PIK3R6: variants seen among roughly 807,000 people sequenced by gnomAD.
The protein encoded by PIK3R6 is phosphoinositide-3-kinase regulatory subunit 6.
PIK3R6 carries 91 observed loss-of-function variants against 84.9 expected under a neutral mutation model. That is an observed-to-expected ratio of 1.07 (90% CI 0.90 to 1.28). The LOEUF (loss-of-function observed/expected upper bound fraction) is 1.28. PIK3R6 is among the 50% of genes most tolerant of loss of function. The pLI, the probability that PIK3R6 is intolerant of heterozygous loss-of-function variation, is 0.00. For synonymous variants in PIK3R6, 416 were observed against 411.4 expected (o/e 1.01, Z -0.13); for missense variants, 996 against 985.1 (o/e 1.01, Z -0.15).
intron 2 of PIK3R6, among the ~76,000 whole-genome samples, chr17:8,849,201 G>C (rs2088883524): frequency 6.6e-6 from 1 of 152,224 alleles, no homozygotes. Flanking sequence ...AGAAAAATGA[G>C]GATAATCATC....
At position 8,836,553 on chromosome 17, in the gene PIK3R6, T is replaced by A. The variant is rs1402908967; in HGVS notation, c.455A>T (p.Gln152Leu). ...TTTTTCTGGGGCCACTCACCTCTCCTGGTAGGGATACAGCTCATTCGTCAA... is the reference window on the plus strand; with the variant it reads ...TTTTTCTGGGGCCACTCACCTCTCCAGGTAGGGATACAGCTCATTCGTCAA... ...QNLTNELYPYQERVFLFVDPE... is the reference protein window; with the variant it reads ...QNLTNELYPYLERVFLFVDPE... Residue 152 changes from glutamine (Q) to leucine (L), a missense_variant, in exon 7 of 20, where the codon CAG becomes CTG. Coordinates refer to ENST00000619866, the MANE Select transcript of PIK3R6 (RefSeq NM_001010855.4). 6.2e-7 allele frequency: 1 copy of A among 1,613,798 alleles called. No homozygotes were observed. The highest frequency in any genetic ancestry group is 1.3e-5 in the African/African-American group (1 of 74,882).
At chr17:8,805,942 G>A (rs2087193467) in intron 18 of PIK3R6, among the ~76,000 whole-genome samples, 1 of 151,250 alleles carries the variant, frequency 6.6e-6, no homozygotes, top group Non-Finnish European at 1.5e-5. Flanking sequence ...AAAAGAGCCT[G>A]TGGCACCTTT....
intron 8 of PIK3R6, among the ~76,000 whole-genome samples, chr17:8,834,111 C>A (rs1397926440): frequency 6.9e-6 from 1 of 144,700 alleles, no homozygotes; most frequent in African/African-American, 2.6e-5. Context: ...GAGCCGAGAT[C>A]ACGCCACTGC....
chr17:8,843,429 A>G (rs548028879), intron 2 of PIK3R6, among the ~76,000 whole-genome samples: 5 of 152,268 alleles, frequency 3.3e-5, no homozygotes, highest in East Asian at 1.9e-4. Context: ...AGCACAGCCA[A>G]GCCTTTGTCT....
rs1048419870 is a variant in PIK3R6, at chr17:8,823,218, G to A, written c.1627-132C>T. The A allele has an allele frequency of 2.4e-5, 20 of 829,774 alleles. No individual in the cohort carries two copies. In the Middle Eastern group the frequency reaches 1.0e-3, roughly 41 times the overall value. The allele number at this position is 829,774 out of a possible 1,614,324, so 51.4% of individuals were successfully genotyped here. ...ACCTACTTCTTGGATTTGAGGTCTTGAAGTTAATAATGATCTGATTCATTT... is the reference window on the plus strand; with the variant it reads ...ACCTACTTCTTGGATTTGAGGTCTTAAAGTTAATAATGATCTGATTCATTT... On this transcript the variant is annotated intron_variant, in intron 14 of 19. Coordinates refer to ENST00000619866, the MANE Select transcript of PIK3R6 (RefSeq NM_001010855.4).
chr17:8,813,830 A>T (rs919338561), intron 18 of PIK3R6, among the ~76,000 whole-genome samples: 10 of 152,198 alleles, frequency 6.6e-5, no homozygotes, highest in African/African-American at 1.9e-4. Context: ...TGAAAGCATT[A>T]CCTCTAAGAA....
At position 8,803,188 on chromosome 17, in the gene PIK3R6, C is replaced by T. The variant is rs1447879516; in HGVS notation, c.*85G>A. ...CAAGGCCAAAGCTGCCGTGTGGAGC[C>T]GGGCCTTGCTCTGGCTGTTGGTGTG... On this transcript the variant is annotated 3_prime_UTR_variant, in exon 20 of 20. Transcript: ENST00000619866. The surrounding 1 kb of genome is among the most constrained non-coding windows in gnomAD (Gnocchi z 5.0). 92 of 1,554,304 alleles carry T rather than the reference C, an allele frequency of 5.9e-5. No individual in the cohort carries two copies. Among genetic ancestry groups the T allele is most frequent in the African/African-American group, 1.5e-4 (11 of 73,388 alleles).
chr17:8,857,770 G>A (rs2089176630), intron 1 of PIK3R6, among the ~76,000 whole-genome samples: 1 of 152,054 alleles, frequency 6.6e-6, no homozygotes, highest in Non-Finnish European at 1.5e-5. Context: ...TGTGGCGGCA[G>A]GTGCCAGTAA....
chr17:8,850,132 C>T (rs988890290), intron 1 of PIK3R6, among the ~76,000 whole-genome samples: 1 of 151,874 alleles, frequency 6.6e-6, no homozygotes, highest in Non-Finnish European at 1.5e-5. Context: ...GGTGAAACCC[C>T]GTCTCTACTA....
intron 9 of PIK3R6, 134 bp downstream of exon 9, chr17:8,832,755 G>A: frequency 7.3e-7 from 1 of 1,377,862 alleles, no homozygotes; most frequent in Non-Finnish European, 9.9e-7. Context: ...GCTGCCCCCA[G>A]TCCCCAGGCT....
intron 18 of PIK3R6, among the ~76,000 whole-genome samples, chr17:8,809,854 G>C (rs2087303540): frequency 6.6e-6 from 1 of 151,974 alleles, no homozygotes; most frequent in Non-Finnish European, 1.5e-5. Context: ...AAAACAAGTA[G>C]GAGTAGCTAT....
At chr17:8,814,384 T>C (rs926731311) in intron 18 of PIK3R6, among the ~76,000 whole-genome samples, 1 of 151,820 alleles carries the variant, frequency 6.6e-6, no homozygotes, top group Admixed American at 6.6e-5. Context: ...CATGCCCAGA[T>C]AATTTTTGTA....
At position 8,823,014 on chromosome 17, in the gene PIK3R6, C is replaced by T; in HGVS notation, c.1699G>A (p.Asp567Asn). The change falls in exon 15 of 20, where the codon GAT (aspartate) becomes AAT (asparagine). Residue 567 changes from aspartate to asparagine, a missense_variant. Transcript: ENST00000619866. ...FLIELKVKIQ[D>N]SKFPKDGFSP... Reference sequence around the variant, plus strand: ...TGCTTACCTTTGGGGAATTTAGAATCTTGGATCTTCACCTTCAGTTCAATG... The same window carrying T: ...TGCTTACCTTTGGGGAATTTAGAATTTTGGATCTTCACCTTCAGTTCAATG... The T allele has an allele frequency of 6.2e-7, 1 of 1,608,506 alleles. No individual in the cohort carries two copies.
Position 8,821,837 on chromosome 17 carries a change from A to G in PIK3R6, c.1879+9T>C. ...TCTCTTTCTTTGCTCTGCATTCCCC[A>G]TTCCTCACCTTCTGTGTCGCTGGCT... On this transcript the variant is annotated intron_variant, in intron 17 of 19. Coordinates refer to ENST00000619866, the MANE Select transcript of PIK3R6 (RefSeq NM_001010855.4). 2.5e-6 allele frequency: 4 copies of G among 1,583,060 alleles called. No homozygotes were observed. The highest frequency in any genetic ancestry group is 2.3e-5 in the East Asian group (1 of 43,610).
At position 8,831,546 on chromosome 17, in the gene PIK3R6, G is replaced by C. The variant is rs74524186; in HGVS notation, c.802+1343C>G. Among the ~76,000 whole-genome samples, 156 of 152,190 alleles carry C rather than the reference G, an allele frequency of 1.0e-3. 1 individual carries two copies. The East Asian group carries it at 0.022, about 21-fold the overall frequency. On this transcript the variant is annotated intron_variant, in intron 9 of 19. Coordinates refer to ENST00000619866, the MANE Select transcript of PIK3R6 (RefSeq NM_001010855.4). ...GAGGAGCTTTTTCCATGTGGGATCA[G>C]AGGCAGTGTAGAATGTTAAAGTAAA...
intron 1 of PIK3R6, among the ~76,000 whole-genome samples, chr17:8,866,402 C>T (rs1412240917): frequency 6.6e-6 from 1 of 151,998 alleles, no homozygotes; most frequent in Non-Finnish European, 1.5e-5. Flanking sequence ...ATTAGCCAGG[C>T]GTGGTGGTGT....
intron 2 of PIK3R6, among the ~76,000 whole-genome samples, chr17:8,846,178 T>C (rs2088810932): frequency 6.6e-6 from 1 of 152,226 alleles, no homozygotes; most frequent in Non-Finnish European, 1.5e-5. Context: ...CTTCTGCATA[T>C]GGCTAGCCAG....
intron 7 of PIK3R6, among the ~76,000 whole-genome samples, chr17:8,836,315 A>G (rs1222800150): frequency 6.6e-6 from 1 of 152,132 alleles, no homozygotes; most frequent in Non-Finnish European, 1.5e-5. Flanking sequence ...GTAGCTTCCA[A>G]TCCAACCTGA....
At position 8,803,382 on chromosome 17, in the gene PIK3R6, G is replaced by T; in HGVS notation, c.2156C>A (p.Ser719Tyr). 2.5e-6 allele frequency: 4 copies of T among 1,613,496 alleles called. No homozygotes were observed. The highest frequency in any genetic ancestry group is 3.4e-6 in the Non-Finnish European group (4 of 1,179,634). The change falls in exon 20 of 20, where the codon TCC (serine) becomes TAC (tyrosine). Residue 719 changes from serine to tyrosine, a missense_variant. Transcript: ENST00000619866. This position sits in a 1 kb window ranked among gnomAD's most constrained non-coding sequence, Gnocchi z 5.0. ...ATGCAAATTGAGCCACGGTGCCTTG[G>T]ACTTCTGGGCCCCAGAACATGGTTC... ...CPEPCSGAQKSKAPWLNLHGQ... is the reference protein window; with the variant it reads ...CPEPCSGAQKYKAPWLNLHGQ...
Sources: allele counts gnomAD v4.1 joint callset (sites outside exome capture counted in the v4.1 genomes callset), GRCh38; gene constraint gnomAD v4.1.1; non-coding constraint Gnocchi (gnomAD v3.1); transcripts MANE v1.5; gene names NCBI Gene and HGNC (gene_info 2026-07-23, HGNC 2026-07-21).